The following TRMT11 variants were observed in gnomAD, a reference collection of about 807,000 sequenced individuals.
TRMT11 encodes tRNA methyltransferase 11, also known as tRNA (guanine(10)-N(2))-methyltransferase TRMT11.
Under a neutral mutation model 62.8 loss-of-function variants are expected in TRMT11, and 53 were observed. The ratio of observed to expected loss-of-function variants is 0.84; its 90% CI spans 0.68 to 1.06. The LOEUF (loss-of-function observed/expected upper bound fraction) is 1.06, where lower values mean the gene tolerates loss of function less well. TRMT11 is among the 50% of genes least tolerant of loss of function. The pLI is 0.00. For synonymous variants in TRMT11, 188 were observed against 190.3 expected (o/e 0.99, Z 0.10); for missense variants, 556 against 553.4 (o/e 1.00, Z -0.05).
intron 12 of TRMT11, among the ~76,000 whole-genome samples, chr6:126,028,040 T>C (rs1773514448): frequency 6.6e-6 from 1 of 152,204 alleles, no homozygotes. Context: ...GGCATAATGC[T>C]GATGCCTATT....
the TRMT11 span, among the ~76,000 whole-genome samples, chr6:126,235,795 G>A: frequency 6.6e-6 from 1 of 152,078 alleles, no homozygotes; most frequent in Non-Finnish European, 1.5e-5. Context: ...GCAGCAAACT[G>A]CCATGGCACA....
chr6:126,020,521 T>C (rs954517738), intron 11 of TRMT11, among the ~76,000 whole-genome samples: 3 of 152,242 alleles, frequency 2.0e-5, no homozygotes, highest in Admixed American at 1.3e-4. Flanking sequence ...AGTAGCAGTC[T>C]CCACCACTCA....
At chr6:126,183,051 C>CAA (rs1314734834) in intron 1 of TRMT11, among the ~76,000 whole-genome samples, 4 of 152,074 alleles carry the variant, frequency 2.6e-5, no homozygotes, top group African/African-American at 9.7e-5. Flanking sequence ...CCCATCCCTC[C>CAA]AACACCACCC....
In TRMT11 at chr6:126,021,943, C is replaced by T. The variant is rs186688238; in HGVS notation, c.1260+663C>T. ...TTTGGGCTGTACTTCTGTCGATTGA[C>T]AACCAAAGCTCTCTTAAATTCACTG... On this transcript the variant is annotated intron_variant, in intron 12 of 12. Transcript: ENST00000334379. Among the ~76,000 whole-genome samples, 501 of 152,064 alleles carry T rather than the reference C, an allele frequency of 3.3e-3. 4 individuals are homozygous for T. Among genetic ancestry groups the T allele is most frequent in the African/African-American group, 8.8e-3 (367 of 41,506 alleles).
At chr6:126,052,314 G>T (rs1776242727) in intron 16 of TRMT11, among the ~76,000 whole-genome samples, 1 of 152,116 alleles carries the variant, frequency 6.6e-6, no homozygotes, top group Non-Finnish European at 1.5e-5. Context: ...CGCTGTTTGG[G>T]CTCCAGACGC....
At position 126,094,203 on chromosome 6, in the gene TRMT11, A is replaced by G. The variant is rs549557531; in HGVS notation, c.*1438-18663A>G. 8.5e-5 allele frequency among the ~76,000 whole-genome samples: 13 copies of G among 152,156 alleles called. No homozygotes were observed. The South Asian group carries it at 1.2e-3, about 15-fold the overall frequency. On this transcript the variant is annotated intron_variant and NMD_transcript_variant, in intron 17 of 22. Transcript: ENST00000648977. ...GGGGTGTATTCTCCTAACTATAGCTATTGAATTTTGTGTGCTTTCCACAGT... is the reference window on the plus strand; with the variant it reads ...GGGGTGTATTCTCCTAACTATAGCTGTTGAATTTTGTGTGCTTTCCACAGT...
intron 21 of TRMT11, among the ~76,000 whole-genome samples, chr6:126,146,641 C>T (rs1485517442): frequency 2.0e-5 from 3 of 151,998 alleles, no homozygotes; most frequent in Admixed American, 6.6e-5. Context: ...CCTCAGCTCC[C>T]GAGTAGCTGG....
chr6:126,030,365 T>C (rs771085076), intron 12 of TRMT11, among the ~76,000 whole-genome samples: 3 of 152,206 alleles, frequency 2.0e-5, no homozygotes, highest in Non-Finnish European at 2.9e-5. Context: ...AGCACTGTCA[T>C]TTACATTTCA....
At chr6:126,247,030 A>G in the TRMT11 span, among the ~76,000 whole-genome samples, 2 of 152,190 alleles carry the variant, frequency 1.3e-5, no homozygotes, top group African/African-American at 4.8e-5. Context: ...CAACCTGGAG[A>G]TAAGACTTCC....
intron 12 of TRMT11, among the ~76,000 whole-genome samples, chr6:126,037,421 A>G (rs939812295): frequency 6.6e-6 from 1 of 152,156 alleles, no homozygotes; most frequent in East Asian, 1.9e-4. Context: ...GTATACCTAC[A>G]CATTGACTCT....
the TRMT11 span, among the ~76,000 whole-genome samples, chr6:126,210,358 A>G: frequency 6.6e-6 from 1 of 152,222 alleles, no homozygotes; most frequent in African/African-American, 2.4e-5. Flanking sequence ...ATGACCACAA[A>G]GAACTAAATT....
chr6:126,048,794 ACTC>A (rs1330101977), intron 16 of TRMT11, among the ~76,000 whole-genome samples: 6 of 151,898 alleles, frequency 4.0e-5, no homozygotes, highest in Admixed American at 2.6e-4. Context: ...TGTCTCCACT[ACTC>A]CTGGCAGATT....
chr6:126,223,702 C>T, the TRMT11 span, among the ~76,000 whole-genome samples: 1 of 152,132 alleles, frequency 6.6e-6, no homozygotes, highest in Admixed American at 6.5e-5. Context: ...TGAATGTTGT[C>T]CTCTCTAGCA....
At chr6:126,158,438 C>G (rs1778147064) in intron 21 of TRMT11, among the ~76,000 whole-genome samples, 1 of 152,284 alleles carries the variant, frequency 6.6e-6, no homozygotes, top group Middle Eastern at 3.4e-3. Flanking sequence ...TTTGGCAATA[C>G]TAGAAGGAGT....
chr6:126,060,250 A>C (rs916554861), intron 17 of TRMT11, among the ~76,000 whole-genome samples: 4 of 152,216 alleles, frequency 2.6e-5, no homozygotes, highest in Non-Finnish European at 5.9e-5. Context: ...TTTTCAATTC[A>C]GAATTTTAGG....
At chr6:126,086,169 T>A (rs1263712947) in intron 17 of TRMT11, among the ~76,000 whole-genome samples, 3 of 152,210 alleles carry the variant, frequency 2.0e-5, no homozygotes. Context: ...CACGACTCAA[T>A]TCAGATATTA....
chr6:126,034,487 C>T (rs1308911453), intron 12 of TRMT11, among the ~76,000 whole-genome samples: 3 of 152,084 alleles, frequency 2.0e-5, no homozygotes, highest in African/African-American at 7.2e-5. Flanking sequence ...AATTTACCTA[C>T]AGAAACTCTT....
At chr6:126,116,473 C>T (rs187734520) in intron 21 of TRMT11, among the ~76,000 whole-genome samples, 15 of 152,172 alleles carry the variant, frequency 9.9e-5, no homozygotes, top group Admixed American at 9.2e-4. Context: ...TCCATCTCTT[C>T]TTCTTCCCAT....
At chr6:126,185,329 C>T (rs866219482) in intron 1 of TRMT11, among the ~76,000 whole-genome samples, 4 of 152,256 alleles carry the variant, frequency 2.6e-5, no homozygotes, top group East Asian at 3.9e-4. Context: ...CTTTTTGGCA[C>T]TCTTCATGCT....
Sources: gnomAD v4.1 joint callset for allele counts (sites outside exome capture counted in the v4.1 genomes callset) on GRCh38, gnomAD v4.1.1 for gene constraint, MANE v1.5 for transcripts, NCBI Gene and HGNC (gene_info 2026-07-23, HGNC 2026-07-21) for gene names.